FBXW10: variants seen among roughly 807,000 people sequenced by gnomAD.
FBXW10 encodes the protein F-box/WD repeat-containing protein 10.
Under a neutral mutation model 113.1 loss-of-function variants are expected in FBXW10, and 68 were observed. The ratio of observed to expected loss-of-function variants is 0.60; its 90% CI spans 0.49 to 0.74. The LOEUF (loss-of-function observed/expected upper bound fraction) is 0.74, where lower values mean the gene tolerates loss of function less well. Ranked by LOEUF, FBXW10 falls within the 30% of genes least tolerant of loss-of-function variation. The pLI is 0.00. For missense variants in FBXW10, 753 were observed against 1,284.5 expected (o/e 0.59, Z 6.32); for synonymous variants, 289 against 481.6 (o/e 0.60, Z 5.24).
At chr17:18,767,774 T>G (rs1197999953) in intron 9 of FBXW10, among the ~76,000 whole-genome samples, 2 of 152,100 alleles carry the variant, frequency 1.3e-5, no homozygotes, top group Non-Finnish European at 2.9e-5. Flanking sequence ...GGATGGCCCA[T>G]GTGCACTCTG....
intron 11 of FBXW10, among the ~76,000 whole-genome samples, chr17:18,772,041 A>G (rs2035624239): frequency 6.6e-6 from 1 of 152,198 alleles, no homozygotes; most frequent in South Asian, 2.1e-4. Context: ...CAGGAGGCGG[A>G]GGTTGCAGTG....
chr17:18,769,340 A>AT (rs1440436934), intron 10 of FBXW10: 1 of 152,988 alleles, frequency 6.5e-6, no homozygotes, highest in Non-Finnish European at 1.5e-5. Context: ...ATGATCATCT[A>AT]TATGTTAGAT....
rs762413363 is a variant in FBXW10 at position 18,744,289 on chromosome 17, T to C, written c.45T>C (p.Arg15=). 7.4e-6 allele frequency: 12 copies of C among 1,611,912 alleles called. No homozygotes were observed. The highest frequency in any genetic ancestry group is 4.0e-5 in the African/African-American group (3 of 74,266). The stretch of plus-strand genomic sequence containing the variant: ...GGCTCAAGAATGCCCCCTATTTTCG[T>C]TGTGAGAAGGGAACCGATTCCATCC... ...ESRLKNAPYF[R]CEKGTDSIPL... The change falls in exon 1 of 14, where the codon CGT becomes CGC. Residue 15 remains arginine (R), a synonymous_variant. Transcript: ENST00000395665.
At chr17:18,747,208 G>A (rs2035055555) in intron 1 of FBXW10, among the ~76,000 whole-genome samples, 1 of 152,142 alleles carries the variant, frequency 6.6e-6, no homozygotes, top group African/African-American at 2.4e-5. Flanking sequence ...TTACAGGCAT[G>A]AACCATCACG....
intron 6 of FBXW10, among the ~76,000 whole-genome samples, chr17:18,756,696 C>T: frequency 6.6e-6 from 1 of 152,002 alleles, no homozygotes; most frequent in Non-Finnish European, 1.5e-5. Context: ...GTAAATATGA[C>T]AATCGTATTT....
rs528313268 is a variant in FBXW10 at position 18,767,179 on chromosome 17, T to C, written c.1704+317T>C. On this transcript the variant is annotated intron_variant, in intron 9 of 13. Coordinates refer to ENST00000395665, the MANE Select transcript of FBXW10 (RefSeq NM_001267585.2). ...AGTACCTTTTTCTCCTCCAGAGTAT[T>C]GCACTCTGTAGGGCCAGGCGCAGTG... 6.9e-3 allele frequency among the ~76,000 whole-genome samples: 1,051 copies of C among 152,010 alleles called. 3 individuals are homozygous for C. Among genetic ancestry groups the C allele is most frequent in the Non-Finnish European group, 9.7e-3 (662 of 67,962 alleles).
chr17:18,760,120 C>T (rs142829135), intron 7 of FBXW10, among the ~76,000 whole-genome samples: 228 of 152,248 alleles, frequency 1.5e-3, no homozygotes, highest in African/African-American at 5.3e-3. Context: ...CTTATATATT[C>T]TCACCAACAC....
chr17:18,762,696 T>C (rs2035409799), intron 7 of FBXW10, among the ~76,000 whole-genome samples: 1 of 152,180 alleles, frequency 6.6e-6, no homozygotes, highest in Non-Finnish European at 1.5e-5. Context: ...GCCTAGGCCT[T>C]CCAGTGCCAT....
chr17:18,764,621 T>A, intron 7 of FBXW10, 121 bp from the exon 8 acceptor site: 3 of 1,500,182 alleles, frequency 2.0e-6, no homozygotes. Flanking sequence ...GGCCCCTGAC[T>A]CTAAGCTGAA....
Position 18,770,306 on chromosome 17 carries a change from C to CTT in FBXW10, c.2006+235_2006+236dup, listed in dbSNP as rs60946049. ...GGAAGCAATCAACTGTTCATTTTGA[C>CTT]TTTTTTTTTTTTTTTGAGACATAGT... is the stretch of plus-strand genomic sequence containing the variant. On this transcript the variant is annotated intron_variant, in intron 11 of 13. Coordinates refer to ENST00000395665, the MANE Select transcript of FBXW10 (RefSeq NM_001267585.2). Among the ~76,000 whole-genome samples the CTT allele has an allele frequency of 2.8e-3, 381 of 136,650 alleles. 1 individual carries two copies. Among genetic ancestry groups the CTT allele is most frequent in the African/African-American group, 6.4e-3 (234 of 36,692 alleles). The allele number at this position is 136,650 out of a possible 152,430, so 89.6% of individuals were successfully genotyped here.
At position 18,770,048 on chromosome 17, in the gene FBXW10, G is replaced by C. The variant is rs144820718; in HGVS notation, c.1969G>C (p.Gly657Arg). ...CMKVLKANGR[G>R]DPVLSFFIQG... ...GAAGGTGTTAAAAGCCAATGGCAGA[G>C]GTGATCCTGTGCTGTCCTTCTTTAT... The change falls in exon 11 of 14, where the codon GGT (glycine) becomes CGT (arginine). Residue 657 changes from glycine (G) to arginine (R), a missense_variant. Physicochemically the swap from Gly to Arg is moderately radical, Grantham distance 125 (BLOSUM62 -2). Transcript: ENST00000395665. 5 of 1,614,104 alleles carry C rather than the reference G, an allele frequency of 3.1e-6. No individual in the cohort carries two copies. The African/African-American group carries it at 6.7e-5, about 22-fold the overall frequency.
intron 10 of FBXW10, 21 bp downstream of exon 10, chr17:18,768,697 G>C (rs1156754821): frequency 6.2e-7 from 1 of 1,613,192 alleles, no homozygotes; most frequent in East Asian, 2.2e-5. Flanking sequence ...GTGAAGCCCG[G>C]AGCGATGAAC....
At chr17:18,777,693 G>A (rs1297586285) in intron 13 of FBXW10, among the ~76,000 whole-genome samples, 3 of 151,696 alleles carry the variant, frequency 2.0e-5, no homozygotes, top group Non-Finnish European at 4.4e-5. Flanking sequence ...ACAGGCGCCC[G>A]CCGCCATGCC....
At position 18,769,940 on chromosome 17, in the gene FBXW10, G is replaced by A. The variant is rs145231603; in HGVS notation, c.1861G>A (p.Val621Met). The A allele has an allele frequency of 5.6e-5, 91 of 1,614,152 alleles. No individual in the cohort carries two copies. In the African/African-American group the frequency reaches 8.8e-4, roughly 16 times the overall value. The change falls in exon 11 of 14, where the codon GTG becomes ATG. Residue 621 changes from valine (V) to methionine (M), a missense_variant. Coordinates refer to ENST00000395665, the MANE Select transcript of FBXW10 (RefSeq NM_001267585.2). ...AFKHPKEVLD[V>M]SLLFLRVISA... ...GTTCCCTTCCAGGGAGGTGCTCGAC[G>A]TGTCCCTTCTCTTCCTCCGGGTCAT...
chr17:18,770,493 G>A (rs1157142667), intron 11 of FBXW10, among the ~76,000 whole-genome samples: 1 of 151,774 alleles, frequency 6.6e-6, no homozygotes, highest in Non-Finnish European at 1.5e-5. Flanking sequence ...TAGTAGAGAC[G>A]GGGTTTCACC....
At chr17:18,765,124 T>C (rs1054572027) in intron 8 of FBXW10, among the ~76,000 whole-genome samples, 2 of 152,198 alleles carry the variant, frequency 1.3e-5, no homozygotes, top group African/African-American at 4.8e-5. Context: ...TATGGCCCTT[T>C]AGATTTAACT....
At position 18,778,874 on chromosome 17, in the gene FBXW10, T is replaced by A. The variant is rs1330795338; in HGVS notation, c.2735T>A (p.Met912Lys). ...PRVQSTIPQP[M>K]IIRSRFSGSL... ...GTCCAGTCCACCATACCCCAGCCCA[T>A]GATTATCCGCTCCAGGTTCTCTGGC... The change falls in exon 14 of 14, where the codon ATG becomes AAG. Residue 912 changes from methionine to lysine, a missense_variant. Coordinates refer to ENST00000395665, the MANE Select transcript of FBXW10 (RefSeq NM_001267585.2). The A allele has an allele frequency of 1.2e-6, 2 of 1,613,898 alleles. No homozygotes were observed. Among genetic ancestry groups the A allele is most frequent in the Admixed American group, 3.3e-5 (2 of 59,992 alleles).
Position 18,761,400 on chromosome 17 carries a change from G to C in FBXW10, c.1433+2895G>C, listed in dbSNP as rs192632808. ...CCTGCCTCAGCCTCCCGAGTAGCTG[G>C]GACTACAGGCACCCGCCACCACGCC... is the stretch of plus-strand genomic sequence containing the variant. On this transcript the variant is annotated intron_variant, in intron 7 of 13. Transcript: ENST00000395665. 2.3e-4 allele frequency among the ~76,000 whole-genome samples: 35 copies of C among 151,934 alleles called. No individual in the cohort carries two copies. In the East Asian group the frequency reaches 6.8e-3, roughly 29 times the overall value.
chr17:18,771,746 G>T (rs1273634428), intron 11 of FBXW10, among the ~76,000 whole-genome samples: 1 of 152,198 alleles, frequency 6.6e-6, no homozygotes, highest in Non-Finnish European at 1.5e-5. Context: ...AGACATCTGT[G>T]TGCAGAGTAC....
Sources: allele counts gnomAD v4.1 joint callset (sites outside exome capture counted in the v4.1 genomes callset), GRCh38; gene constraint gnomAD v4.1.1; transcripts MANE v1.5; gene names NCBI Gene and HGNC (gene_info 2026-07-23, HGNC 2026-07-21).